The following VPS18 variants were observed in gnomAD, a reference collection of about 807,000 sequenced individuals.
VPS18 encodes VPS18 core subunit of CORVET and HOPS complexes.
VPS18 carries 25 observed loss-of-function variants against 82.0 expected under a neutral mutation model. The observed-to-expected ratio is 0.30, with a 90% CI of 0.22 to 0.43. The LOEUF (loss-of-function observed/expected upper bound fraction) is 0.43, where lower values mean the gene tolerates loss of function less well. VPS18 is among the 20% of genes least tolerant of loss of function. The probability of loss-of-function intolerance (pLI) is 1.00; values close to 1 mark genes in which losing one functional copy is unlikely to be tolerated. For missense variants in VPS18, 1,168 were observed against 1,311.1 expected, an observed-to-expected ratio of 0.89 and a Z score of 1.69; for synonymous variants, 523 against 543.0, an observed-to-expected ratio of 0.96 and a Z score of 0.51.
rs904830068 is a variant in VPS18, at chr15:40,894,816, C to T, written c.48C>T (p.Ala16=). Residue 16 remains alanine (A), a synonymous_variant, in exon 1 of 5, where the codon GCC becomes GCT. Transcript: ENST00000220509. ...ACGAGAACTCGCTGTCCCGCTCGGC[C>T]GTCTTGCAGCCCGGCTGCCCTAGCG... ...DEYENSLSRS[A]VLQPGCPSVG... The T allele has an allele frequency of 2.6e-6, 4 of 1,555,608 alleles. No individual in the cohort carries two copies. The highest frequency in any genetic ancestry group is 1.9e-5 in the Admixed American group (1 of 51,580).
Position 40,899,867 on chromosome 15 carries a change from C to G in VPS18, c.1049C>G (p.Thr350Ser). ...ADRVEAVCTL[T>S]GQVVLRDHFL... ...CGGGTGGAGGCAGTGTGCACACTGA[C>G]CGGGCAGGTGGTGCTGCGGGATCAC... The change falls in exon 4 of 5, where the codon ACC becomes AGC. Residue 350 changes from threonine (T) to serine (S), a missense_variant. Physicochemically the swap from Thr to Ser is moderately conservative, Grantham distance 58 (BLOSUM62 1). Transcript: ENST00000220509. The surrounding 1 kb of genome is among the most constrained non-coding windows in gnomAD (Gnocchi z 4.4). The G allele has an allele frequency of 6.2e-7, 1 of 1,608,780 alleles. No individual in the cohort carries two copies. The highest frequency in any genetic ancestry group is 8.5e-7 in the Non-Finnish European group (1 of 1,179,998).
chr15:40,903,407 T>A lies in VPS18; in HGVS notation c.*66T>A. ...GTGGCTTGAACCCACTTGAGAAGGC[T>A]GCCTCCTAGGCTCTGCTCAGTCATC... On this transcript the variant is annotated 3_prime_UTR_variant, in exon 5 of 5. Transcript: ENST00000220509. 6.6e-7 allele frequency: 1 copy of A among 1,507,042 alleles called. No homozygotes were observed. Among genetic ancestry groups the A allele is most frequent in the Non-Finnish European group, 8.9e-7 (1 of 1,129,338 alleles). 93.4% of individuals were successfully genotyped at this position (1,507,042 alleles called of 1,614,324 possible).
intron 1 of VPS18, 116 bp from the exon 2 acceptor site, chr15:40,895,822 T>TG: frequency 7.1e-7 from 1 of 1,417,574 alleles, no homozygotes; most frequent in Non-Finnish European, 9.7e-7. Context: ...ACCAAGGTCC[T>TG]GGGGATAGGA....
In VPS18 at chr15:40,902,653, C is replaced by T. The variant is rs1359175112; in HGVS notation, c.2234C>T (p.Pro745Leu). Reference sequence around the variant, plus strand: ...CTGGCCAAGCAGTGTGCAGACCTGCCTGAGGAGGATGAGGAATTGCGCAAG... The same window carrying T: ...CTGGCCAAGCAGTGTGCAGACCTGCTTGAGGAGGATGAGGAATTGCGCAAG... ...VDLAKQCADLPEEDEELRKKL... is the reference protein window; with the variant it reads ...VDLAKQCADLLEEDEELRKKL... The change falls in exon 5 of 5, where the codon CCT becomes CTT. Residue 745 changes from proline (P) to leucine (L), a missense_variant. Coordinates refer to ENST00000220509, the MANE Select transcript of VPS18 (RefSeq NM_020857.3). The surrounding 1 kb of genome is among the most constrained non-coding windows in gnomAD (Gnocchi z 4.2). The T allele has an allele frequency of 6.2e-7, 1 of 1,614,166 alleles. No homozygotes were observed. Among genetic ancestry groups the T allele is most frequent in the Admixed American group, 1.7e-5 (1 of 60,010 alleles).
Position 40,894,720 on chromosome 15 carries a change from C to G in VPS18, c.-49C>G. 2 of 1,507,730 alleles carry G rather than the reference C, an allele frequency of 1.3e-6. No homozygotes were observed. The highest frequency in any genetic ancestry group is 2.8e-5 in the African/African-American group (2 of 71,416). 93.4% of individuals were successfully genotyped at this position (1,507,730 alleles called of 1,614,324 possible). A position where few individuals can be genotyped will look rare whatever the true frequency, so the allele number is the denominator to read the frequency against. Reference sequence around the variant, plus strand: ...GCGACGGGGACCCCGGGGGGGTAGCCCTTTTGTAATCCCCAGGCCCCGGAC... The same window carrying G: ...GCGACGGGGACCCCGGGGGGGTAGCGCTTTTGTAATCCCCAGGCCCCGGAC... On this transcript the variant is annotated 5_prime_UTR_variant, in exon 1 of 5. Transcript: ENST00000220509.
In VPS18 at chr15:40,902,489, A is replaced by C; in HGVS notation, c.2197-127A>C. 1.5e-6 allele frequency: 2 copies of C among 1,295,234 alleles called. No homozygotes were observed. The highest frequency in any genetic ancestry group is 2.1e-6 in the Non-Finnish European group (2 of 964,840). The allele number at this position is 1,295,234 out of a possible 1,614,324, so 80.2% of individuals were successfully genotyped here. On this transcript the variant is annotated intron_variant, in intron 4 of 4. Transcript: ENST00000220509. The surrounding 1 kb of genome is among the most constrained non-coding windows in gnomAD (Gnocchi z 4.2). The stretch of plus-strand genomic sequence containing the variant: ...GCTTTTACATAGCTGTGGCAGCGGC[A>C]GGCCCCCTTGCTTCCAGGAGTGCTG...
Position 40,899,244 on chromosome 15 carries a change from G to A in VPS18, c.426G>A (p.Val142=). The A allele has an allele frequency of 6.2e-7, 1 of 1,614,248 alleles. No individual in the cohort carries two copies. The highest frequency in any genetic ancestry group is 8.5e-7 in the Non-Finnish European group (1 of 1,180,052). The change falls in exon 4 of 5, where the codon GTG becomes GTA. Residue 142 remains valine, a synonymous_variant. Coordinates refer to ENST00000220509, the MANE Select transcript of VPS18 (RefSeq NM_020857.3). The surrounding 1 kb of genome is among the most constrained non-coding windows in gnomAD (Gnocchi z 4.4). ...TAGCACGCTGGAAGGGGCAGCTGGTGGAGAGTGTGGGTTGGAACAAGGCAC... is the reference window on the plus strand; with the variant it reads ...TAGCACGCTGGAAGGGGCAGCTGGTAGAGAGTGTGGGTTGGAACAAGGCAC... The part of the protein sequence containing the change: ...RPLARWKGQL[V]ESVGWNKALG...
chr15:40,899,631 C>A lies in VPS18; in HGVS notation c.813C>A (p.Ala271=). 6.2e-7 allele frequency: 1 copy of A among 1,612,238 alleles called. No individual in the cohort carries two copies. Among genetic ancestry groups the A allele is most frequent in the Non-Finnish European group, 8.5e-7 (1 of 1,180,020 alleles). ...FPSNLGYSEL[A]FYTPKLRSAP... ...GCAACCTGGGCTACAGTGAGTTGGC[C>A]TTCTACACCCCCAAGCTGCGCTCCG... is the stretch of plus-strand genomic sequence containing the variant. The change falls in exon 4 of 5, where the codon GCC becomes GCA. Residue 271 remains alanine (A), a synonymous_variant. Transcript: ENST00000220509. This position sits in a 1 kb window ranked among gnomAD's most constrained non-coding sequence, Gnocchi z 4.4.
Position 40,903,544 on chromosome 15 carries a change from C to G in VPS18, c.*203C>G. On this transcript the variant is annotated 3_prime_UTR_variant, in exon 5 of 5. Coordinates refer to ENST00000220509, the MANE Select transcript of VPS18 (RefSeq NM_020857.3). Reference sequence around the variant, plus strand: ...CTTTTCATGCTGTTCTTCAGAGCTGCAGTTATGCCAGACCATCAGCCTGCC... The same window carrying G: ...CTTTTCATGCTGTTCTTCAGAGCTGGAGTTATGCCAGACCATCAGCCTGCC... 1.5e-6 allele frequency: 1 copy of G among 664,242 alleles called. No homozygotes were observed. The highest frequency in any genetic ancestry group is 2.3e-6 in the Non-Finnish European group (1 of 442,162). 41.1% of individuals were successfully genotyped at this position (664,242 alleles called of 1,614,324 possible).
At chr15:40,895,134 C>T (rs1892206638) in intron 1 of VPS18, among the ~76,000 whole-genome samples, 1 of 152,188 alleles carries the variant, frequency 6.6e-6, no homozygotes, top group Non-Finnish European at 1.5e-5. Flanking sequence ...CTACAGGGCG[C>T]AGTTGGGCTG....
At position 40,898,238 on chromosome 15, in the gene VPS18, G is replaced by A. The variant is rs190834788; in HGVS notation, c.234-669G>A. Among the ~76,000 whole-genome samples the A allele has an allele frequency of 2.7e-4, 41 of 150,946 alleles. 1 individual carries two copies. The East Asian group carries it at 8.1e-3, about 30-fold the overall frequency. On this transcript the variant is annotated intron_variant, in intron 2 of 4. Coordinates refer to ENST00000220509, the MANE Select transcript of VPS18 (RefSeq NM_020857.3). Reference sequence around the variant, plus strand: ...CAAAGTGCTGGGATTACAGGCGTGAGCCACCGCGCCCGGCCTTTTTTTTTT... The same window carrying A: ...CAAAGTGCTGGGATTACAGGCGTGAACCACCGCGCCCGGCCTTTTTTTTTT...
At position 40,902,936 on chromosome 15, in the gene VPS18, G is replaced by A. The variant is rs2142040459; in HGVS notation, c.2517G>A (p.Glu839=). The change falls in exon 5 of 5, where the codon GAG becomes GAA. Residue 839 remains glutamate (E), a synonymous_variant. Transcript: ENST00000220509. This position sits in a 1 kb window ranked among gnomAD's most constrained non-coding sequence, Gnocchi z 4.2. Reference sequence around the variant, plus strand: ...AGCGCATCCGGCGAGACCTGCAGGAGCTGCGGGGCCGCTACGGCACTGTGG... The same window carrying A: ...AGCGCATCCGGCGAGACCTGCAGGAACTGCGGGGCCGCTACGGCACTGTGG... ...SAQRIRRDLQ[E]LRGRYGTVEP... is the part of the protein sequence containing the mutation. 6.2e-7 allele frequency: 1 copy of A among 1,614,288 alleles called. No individual in the cohort carries two copies. Among genetic ancestry groups the A allele is most frequent in the Middle Eastern group, 1.6e-4 (1 of 6,062 alleles).
intron 4 of VPS18, 128 bp downstream of exon 4, chr15:40,901,142 C>A: frequency 1.0e-6 from 1 of 972,264 alleles, no homozygotes; most frequent in Non-Finnish European, 1.5e-6. Flanking sequence ...AGGTTAAGAG[C>A]ATGGACTGTT....
In VPS18 at chr15:40,895,934, G is replaced by A. The variant is rs766580041; in HGVS notation, c.92-4G>A. 15 of 1,614,020 alleles carry A rather than the reference G, an allele frequency of 9.3e-6. No homozygotes were observed. The highest frequency in any genetic ancestry group is 1.3e-5 in the African/African-American group (1 of 74,902). On this transcript the variant is annotated splice_polypyrimidine_tract_variant and splice_region_variant and intron_variant, in intron 1 of 4. Coordinates refer to ENST00000220509, the MANE Select transcript of VPS18 (RefSeq NM_020857.3). ...CTAATCTTCTTGTCATTCCTTACCT[G>A]TAGGGTATGTGAATGCCCAGCTGGA...
At position 40,900,784 on chromosome 15, in the gene VPS18, C is replaced by T; in HGVS notation, c.1966C>T (p.Leu656=). The part of the protein sequence containing the change: ...IRYMEFCVNV[L]GETEQAIHNY... Reference sequence around the variant, plus strand: ...CTACATGGAGTTCTGCGTGAACGTGCTGGGGGAGACTGAGCAGGCCATCCA... The same window carrying T: ...CTACATGGAGTTCTGCGTGAACGTGTTGGGGGAGACTGAGCAGGCCATCCA... Residue 656 remains leucine (L), a synonymous_variant, in exon 4 of 5, where the codon CTG becomes TTG. Coordinates refer to ENST00000220509, the MANE Select transcript of VPS18 (RefSeq NM_020857.3). This position sits in a 1 kb window ranked among gnomAD's most constrained non-coding sequence, Gnocchi z 5.4. 1.2e-6 allele frequency: 2 copies of T among 1,614,208 alleles called. No homozygotes were observed. The highest frequency in any genetic ancestry group is 2.2e-5 in the East Asian group (1 of 44,880).
chr15:40,902,809 C>G lies in VPS18; in HGVS notation c.2390C>G (p.Thr797Ser), dbSNP rs376763583. 5 of 1,614,152 alleles carry G rather than the reference C, an allele frequency of 3.1e-6. No homozygotes were observed. The highest frequency in any genetic ancestry group is 4.2e-6 in the Non-Finnish European group (5 of 1,180,058). Residue 797 changes from threonine to serine, a missense_variant, in exon 5 of 5, where the codon ACC becomes AGC. Physicochemically the swap from Thr to Ser is moderately conservative, Grantham distance 58. Around this residue, in one of 3 missense-constraint regions of VPS18, gnomAD observed 296 missense variants for 354.0 expected, o/e 0.84. Coordinates refer to ENST00000220509, the MANE Select transcript of VPS18 (RefSeq NM_020857.3). This position sits in a 1 kb window ranked among gnomAD's most constrained non-coding sequence, Gnocchi z 4.2. Reference sequence around the variant, plus strand: ...CTGCCCTTCTTTCCTGATTTCGTCACCATCGACCACTTCAAGGAGGCGATC... The same window carrying G: ...CTGCCCTTCTTTCCTGATTTCGTCAGCATCGACCACTTCAAGGAGGCGATC... The part of the protein sequence containing the change: ...DVLPFFPDFV[T>S]IDHFKEAICS...
chr15:40,896,131 GA>G, intron 2 of VPS18, 52 bp downstream of exon 2: 1 of 1,606,878 alleles, frequency 6.2e-7, no homozygotes, highest in South Asian at 1.1e-5. Context: ...GGTGTTTGGG[GA>G]CTGTTAACTC....
At chr15:40,895,893 C>T (rs1892221601) in intron 1 of VPS18, 45 bp from the exon 2 acceptor site, 4 of 1,611,470 alleles carry the variant, frequency 2.5e-6, no homozygotes, top group Non-Finnish European at 3.4e-6. Context: ...TTGCCCTTCA[C>T]CTGTCTCTTC....
At position 40,894,479 on chromosome 15, in the gene VPS18, G is replaced by T; in HGVS notation, c.-290G>T. The T allele has an allele frequency of 3.2e-6, 1 of 316,890 alleles. No homozygotes were observed. The highest frequency in any genetic ancestry group is 5.8e-6 in the Non-Finnish European group (1 of 173,006). The allele number at this position is 316,890 out of a possible 1,614,324, so 19.6% of individuals were successfully genotyped here. Reference sequence around the variant, plus strand: ...AGCTGAGCTGCCGGGGCGAGGTTGGGATCACCTGGCACCGGCTGAAGGGAG... The same window carrying T: ...AGCTGAGCTGCCGGGGCGAGGTTGGTATCACCTGGCACCGGCTGAAGGGAG... On this transcript the variant is annotated 5_prime_UTR_variant, in exon 1 of 5. Transcript: ENST00000220509.
Sources: allele counts gnomAD v4.1 joint callset (sites outside exome capture counted in the v4.1 genomes callset), GRCh38; gene constraint gnomAD v4.1.1; regional missense constraint gnomAD v4.1.1; non-coding constraint Gnocchi (gnomAD v3.1); transcripts MANE v1.5; gene names NCBI Gene and HGNC (gene_info 2026-07-23, HGNC 2026-07-21).